Variants in FRAS1 observed in about 807,000 individuals in gnomAD.
FRAS1 encodes the protein extracellular matrix organizing protein FRAS1.
Under a neutral mutation model 435.2 loss-of-function variants are expected in FRAS1, and 290 were observed. The ratio of observed to expected loss-of-function variants is 0.67; its 90% CI spans 0.61 to 0.73. The LOEUF (loss-of-function observed/expected upper bound fraction) is 0.73, where lower values mean the gene tolerates loss of function less well. Among genes scored for constraint, FRAS1 ranks in the 30% least tolerant of loss-of-function variants. The pLI is 0.00. For synonymous variants in FRAS1, 1,800 were observed against 1,851.0 expected, an observed-to-expected ratio of 0.97 and a Z score of 0.71; for missense variants, 4,860 against 5,001.5, an observed-to-expected ratio of 0.97 and a Z score of 0.85.
At position 78,481,957 on chromosome 4, in the gene FRAS1, T is replaced by C. The variant is rs760651302; in HGVS notation, c.8597T>C (p.Ile2866Thr). 6.2e-7 allele frequency: 1 copy of C among 1,613,754 alleles called. No individual in the cohort carries two copies. Among genetic ancestry groups the C allele is most frequent in the Non-Finnish European group, 8.5e-7 (1 of 1,179,788 alleles). Residue 2866 changes from isoleucine (I) to threonine (T), a missense_variant, in exon 57 of 74, where the codon ATT becomes ACT. Ile to Thr is a moderately conservative substitution (Grantham distance 89). Transcript: ENST00000512123. ...SRKVEFGPGV[I>T]EQYCTLTILD... The stretch of plus-strand genomic sequence containing the variant: ...AAGGTGGAATTTGGGCCTGGTGTCA[T>C]TGAACAGGTGCGTTTACAGCAGTCG...
At chr4:78,079,243 G>C (rs1389562040) in intron 2 of FRAS1, among the ~76,000 whole-genome samples, 1 of 151,562 alleles carries the variant, frequency 6.6e-6, no homozygotes, top group Non-Finnish European at 1.5e-5. Flanking sequence ...CCATTTTTTT[G>C]TCAACAAGAG....
intron 50 of FRAS1, among the ~76,000 whole-genome samples, chr4:78,468,787 G>A (rs1053018840): frequency 8.5e-5 from 13 of 152,288 alleles, no homozygotes; most frequent in East Asian, 5.8e-4. Flanking sequence ...TGTCTGACCT[G>A]GGGAAGGCAG....
chr4:78,194,467 G>A (rs932790489), intron 2 of FRAS1, among the ~76,000 whole-genome samples: 19 of 152,176 alleles, frequency 1.2e-4, no homozygotes, highest in South Asian at 1.2e-3. Context: ...GGCTTTGCTC[G>A]TTTCTTTTTA....
At position 78,133,006 on chromosome 4, in the gene FRAS1, C is replaced by T. The variant is rs1165624001; in HGVS notation, c.108+66990C>T. 3.3e-5 allele frequency among the ~76,000 whole-genome samples: 5 copies of T among 152,128 alleles called. No individual in the cohort carries two copies. The East Asian group carries it at 9.6e-4, about 29-fold the overall frequency. On this transcript the variant is annotated intron_variant, in intron 2 of 73. Coordinates refer to ENST00000512123, the MANE Select transcript of FRAS1 (RefSeq NM_025074.7). ...TTCAGCCAAACTTGAACCCAGGAGG[C>T]GGAAGTTGCAGTGAGCTGAGATCAC...
At chr4:78,124,615 T>G (rs991883699) in intron 2 of FRAS1, among the ~76,000 whole-genome samples, 2 of 152,208 alleles carry the variant, frequency 1.3e-5, no homozygotes, top group Non-Finnish European at 2.9e-5. Context: ...GACTTTTTTT[T>G]GGTTGGTAGG....
rs1346317145 is a variant in FRAS1, at chr4:78,522,708, G to C, written c.10708G>C (p.Asp3570His). 1 of 1,610,992 alleles carries C rather than the reference G, an allele frequency of 6.2e-7. No individual in the cohort carries two copies. Among genetic ancestry groups the C allele is most frequent in the Admixed American group, 1.7e-5 (1 of 59,640 alleles). ...PEVKSFVLTPDHLGGIEFDLQ... is the reference protein window; with the variant it reads ...PEVKSFVLTPHHLGGIEFDLQ... The stretch of plus-strand genomic sequence containing the variant: ...AGTGAAATCTTTCGTATTGACTCCA[G>C]ACCACCTAGGAGGAATTGAATTTGA... The change falls in exon 69 of 74, where the codon GAC (aspartate) becomes CAC (histidine). Residue 3570 changes from aspartate (D) to histidine (H), a missense_variant. By Grantham distance (81) the Asp-to-His change is moderately conservative. Transcript: ENST00000512123.
Position 78,372,789 on chromosome 4 carries a change from G to A in FRAS1, c.2941G>A (p.Val981Ile), listed in dbSNP as rs1383713170. ...TDCLQCMDGYVLQDGACVEQC... is the reference protein window; with the variant it reads ...TDCLQCMDGYILQDGACVEQC... Reference sequence around the variant, plus strand: ...CTGCCTGCAGTGCATGGATGGCTATGTTCTCCAGGATGGGGCCTGCGTGGA... The same window carrying A: ...CTGCCTGCAGTGCATGGATGGCTATATTCTCCAGGATGGGGCCTGCGTGGA... Residue 981 changes from valine (V) to isoleucine (I), a missense_variant, in exon 24 of 74, where the codon GTT becomes ATT. Physicochemically the swap from Val to Ile is conservative, Grantham distance 29 (BLOSUM62 3). Transcript: ENST00000512123. 4 of 1,613,152 alleles carry A rather than the reference G, an allele frequency of 2.5e-6. No individual in the cohort carries two copies. In the African/African-American group the frequency reaches 4.0e-5, roughly 16 times the overall value.
intron 61 of FRAS1, among the ~76,000 whole-genome samples, chr4:78,500,623 A>C (rs1720646447): frequency 6.6e-6 from 1 of 152,158 alleles, no homozygotes; most frequent in African/African-American, 2.4e-5. Flanking sequence ...TGCTAGGAGA[A>C]CTTTTTAGAG....
chr4:78,316,406 G>A (rs1453036930), intron 16 of FRAS1, among the ~76,000 whole-genome samples: 2 of 152,104 alleles, frequency 1.3e-5, no homozygotes, highest in African/African-American at 2.4e-5. Flanking sequence ...TTAGTGCAGG[G>A]TGTTTAGACC....
At chr4:78,328,470 TAAC>T (rs1356894824) in intron 18 of FRAS1, among the ~76,000 whole-genome samples, 2 of 152,214 alleles carry the variant, frequency 1.3e-5, no homozygotes, top group Admixed American at 1.3e-4. Context: ...AGCTTTGTGT[TAAC>T]AATATTATTT....
chr4:78,063,840 G>GT (rs1739869882), intron 1 of FRAS1, among the ~76,000 whole-genome samples: 1 of 152,008 alleles, frequency 6.6e-6, no homozygotes, highest in African/African-American at 2.4e-5. Context: ...TTTTGTTTGT[G>GT]TTTTTTCTAA....
At chr4:78,200,030 T>C (rs370897916) in intron 2 of FRAS1, among the ~76,000 whole-genome samples, 1 of 152,184 alleles carries the variant, frequency 6.6e-6, no homozygotes, top group Non-Finnish European at 1.5e-5. Context: ...TTGTGAAATA[T>C]GATTTCTGTA....
intron 47 of FRAS1, among the ~76,000 whole-genome samples, chr4:78,458,634 C>G (rs1016181672): frequency 3.9e-5 from 6 of 151,946 alleles, no homozygotes; most frequent in Non-Finnish European, 7.4e-5. Context: ...CAACAGAAGC[C>G]CAAACTTCAG....
At chr4:78,232,028 A>G (rs1245883214) in intron 2 of FRAS1, among the ~76,000 whole-genome samples, 2 of 152,146 alleles carry the variant, frequency 1.3e-5, no homozygotes, top group East Asian at 3.8e-4. Flanking sequence ...CGGAATTGCA[A>G]TAGCAACATG....
chr4:78,229,417 A>G (rs1244454408), intron 2 of FRAS1, among the ~76,000 whole-genome samples: 3 of 151,372 alleles, frequency 2.0e-5, no homozygotes, highest in Non-Finnish European at 4.4e-5. Context: ...TTGGTTAAGG[A>G]GGCAGAAAAG....
intron 69 of FRAS1, among the ~76,000 whole-genome samples, chr4:78,526,026 C>G (rs985422323): frequency 5.9e-5 from 9 of 152,194 alleles, no homozygotes; most frequent in Non-Finnish European, 1.2e-4. Flanking sequence ...CTGCAGGGTG[C>G]TGCTTCCATA....
At chr4:78,112,422 T>C (rs549665130) in intron 2 of FRAS1, among the ~76,000 whole-genome samples, 1 of 152,268 alleles carries the variant, frequency 6.6e-6, no homozygotes, top group African/African-American at 2.4e-5. Context: ...TTTTTTATCT[T>C]GGTAGTTTGT....
chr4:78,385,435 G>A lies in FRAS1; in HGVS notation c.3648+1292G>A, dbSNP rs113794419. Among the ~76,000 whole-genome samples the A allele has an allele frequency of 2.9e-3, 436 of 152,212 alleles. 1 individual carries two copies. Among genetic ancestry groups the A allele is most frequent in the African/African-American group, 9.3e-3 (387 of 41,544 alleles). On this transcript the variant is annotated intron_variant, in intron 28 of 73. Coordinates refer to ENST00000512123, the MANE Select transcript of FRAS1 (RefSeq NM_025074.7). ...GGATCATGGATAACAACATAGACTT[G>A]AACCAGTGGTGGCTGCAAAATGGTA... is the stretch of plus-strand genomic sequence containing the variant.
intron 2 of FRAS1, among the ~76,000 whole-genome samples, chr4:78,126,350 C>T (rs1719357588): frequency 6.6e-6 from 1 of 152,214 alleles, no homozygotes; most frequent in Non-Finnish European, 1.5e-5. Context: ...TGACCCCTTG[C>T]AGTTCCTGGG....
Sources: allele counts gnomAD v4.1 joint callset (sites outside exome capture counted in the v4.1 genomes callset), GRCh38; gene constraint gnomAD v4.1.1; transcripts MANE v1.5; gene names NCBI Gene and HGNC (gene_info 2026-07-23, HGNC 2026-07-21).